Variants in SPAG16 observed in about 807,000 individuals in gnomAD.
SPAG16 encodes the protein sperm-associated antigen 16 protein.
A neutral mutation model predicts 80.4 loss-of-function variants in SPAG16; 86 were observed. That is an observed-to-expected ratio of 1.07 (90% CI 0.90 to 1.28). The LOEUF (loss-of-function observed/expected upper bound fraction) is 1.28. Among genes scored for constraint, SPAG16 ranks in the 50% most tolerant of loss-of-function variants. SPAG16 has a pLI of 0.00. For synonymous variants in SPAG16, 294 were observed against 265.9 expected, an observed-to-expected ratio of 1.11 and a Z score of -1.03; for missense variants, 870 against 765.3, an observed-to-expected ratio of 1.14 and a Z score of -1.61.
rs544609661 is a variant in SPAG16 at position 213,510,183 on chromosome 2, A to G, written c.1070+20093A>G. On this transcript the variant is annotated intron_variant, in intron 10 of 15. Transcript: ENST00000331683. The stretch of plus-strand genomic sequence containing the variant: ...GAAATCTGAAATCCTAGTTATTTTC[A>G]TATCACTTCAAACCCTTCCTGGAGA... 3.9e-5 allele frequency among the ~76,000 whole-genome samples: 6 copies of G among 152,242 alleles called. No homozygotes were observed. The South Asian group carries it at 1.0e-3, about 26-fold the overall frequency.
At chr2:213,369,809 A>G (rs1472414242) in intron 8 of SPAG16, among the ~76,000 whole-genome samples, 2 of 152,100 alleles carry the variant, frequency 1.3e-5, no homozygotes, top group Non-Finnish European at 2.9e-5. Context: ...GCCCCCACCC[A>G]TATACCACCT....
Position 214,022,881 on chromosome 2 carries a change from A to G in SPAG16, c.1527+8804A>G, listed in dbSNP as rs183067424. Among the ~76,000 whole-genome samples, 403 of 152,176 alleles carry G rather than the reference A, an allele frequency of 2.6e-3. 3 individuals carry two copies. The highest frequency in any genetic ancestry group is 9.2e-3 in the African/African-American group (381 of 41,558). On this transcript the variant is annotated intron_variant, in intron 13 of 15. Coordinates refer to ENST00000331683, the MANE Select transcript of SPAG16 (RefSeq NM_024532.5). ...TACTAAATATTTAAGAAATACATAA[A>G]TTATGCAATTTTGTTTCTCCAAGTT...
intron 10 of SPAG16, among the ~76,000 whole-genome samples, chr2:213,797,608 A>C (rs1388865989): frequency 6.6e-6 from 1 of 152,122 alleles, no homozygotes; most frequent in Non-Finnish European, 1.5e-5. Context: ...GTGTAAGTAC[A>C]CTCTATTGAT....
intron 10 of SPAG16, among the ~76,000 whole-genome samples, chr2:213,506,813 C>T (rs530228891): frequency 1.3e-5 from 2 of 152,240 alleles, no homozygotes; most frequent in South Asian, 4.1e-4. Context: ...GCTTGATTTG[C>T]TGCCTTAAAG....
chr2:213,454,627 C>T (rs899089542), intron 9 of SPAG16, among the ~76,000 whole-genome samples: 2 of 152,060 alleles, frequency 1.3e-5, no homozygotes, highest in Non-Finnish European at 2.9e-5. Flanking sequence ...ATTTGGTCAC[C>T]GGGAAGAAAA....
At position 213,432,564 on chromosome 2, in the gene SPAG16, C is replaced by A. The variant is rs145545252; in HGVS notation, c.943-57399C>A. 4.2e-3 allele frequency among the ~76,000 whole-genome samples: 634 copies of A among 152,090 alleles called. 6 individuals carry two copies. Among genetic ancestry groups the A allele is most frequent in the Non-Finnish European group, 7.2e-3 (487 of 67,918 alleles). On this transcript the variant is annotated intron_variant, in intron 9 of 15. Coordinates refer to ENST00000331683, the MANE Select transcript of SPAG16 (RefSeq NM_024532.5). ...GGAATAAATAAAAATCCTAAACAGA[C>A]CAATAATGAGTAATGAGATTGAATC...
At chr2:213,328,748 A>G (rs1464138118) in intron 5 of SPAG16, among the ~76,000 whole-genome samples, 1 of 152,082 alleles carries the variant, frequency 6.6e-6, no homozygotes, top group African/African-American at 2.4e-5. Flanking sequence ...TCATACTGCT[A>G]CCTCAGGAGT....
intron 11 of SPAG16, among the ~76,000 whole-genome samples, chr2:213,897,099 C>A (rs919082669): frequency 2.0e-5 from 3 of 152,056 alleles, no homozygotes; most frequent in Non-Finnish European, 4.4e-5. Flanking sequence ...AAAGACAAGA[C>A]AAATATTAGG....
At chr2:213,908,929 C>A (rs140777965) in intron 11 of SPAG16, among the ~76,000 whole-genome samples, 8 of 151,870 alleles carry the variant, frequency 5.3e-5, no homozygotes, top group Admixed American at 1.3e-4. Context: ...CCTCCTCCCC[C>A]CCACCACACA....
At chr2:214,002,471 C>A (rs974148300) in intron 12 of SPAG16, among the ~76,000 whole-genome samples, 1 of 151,998 alleles carries the variant, frequency 6.6e-6, no homozygotes, top group Admixed American at 6.6e-5. Context: ...TAAATAAATT[C>A]TAGATAAACA....
At chr2:214,168,482 A>G (rs1287555657) in intron 15 of SPAG16, among the ~76,000 whole-genome samples, 2 of 152,062 alleles carry the variant, frequency 1.3e-5, no homozygotes, top group Non-Finnish European at 2.9e-5. Context: ...TCTCTGTCTC[A>G]CACATGACAC....
chr2:213,944,830 T>C (rs1245823067), intron 12 of SPAG16, among the ~76,000 whole-genome samples: 1 of 152,120 alleles, frequency 6.6e-6, no homozygotes, highest in Non-Finnish European at 1.5e-5. Flanking sequence ...GAGTTGTGCC[T>C]TTATAAAAAG....
At chr2:214,032,650 A>G (rs1482669968) in intron 13 of SPAG16, among the ~76,000 whole-genome samples, 1 of 152,250 alleles carries the variant, frequency 6.6e-6, no homozygotes, top group East Asian at 1.9e-4. Flanking sequence ...GCTGAATTCT[A>G]GGGAAATCAC....
chr2:213,693,748 T>C (rs1019360732), intron 10 of SPAG16, among the ~76,000 whole-genome samples: 4 of 152,334 alleles, frequency 2.6e-5, no homozygotes, highest in Admixed American at 2.0e-4. Flanking sequence ...GTGGTAGAAC[T>C]CTTTAGTGTG....
At chr2:213,952,081 C>A (rs559155214) in intron 12 of SPAG16, among the ~76,000 whole-genome samples, 6 of 152,070 alleles carry the variant, frequency 3.9e-5, no homozygotes, top group African/African-American at 1.4e-4. Context: ...TAAAGGATTA[C>A]CAGTTGGAGG....
At chr2:213,736,325 A>T (rs1257409410) in intron 10 of SPAG16, among the ~76,000 whole-genome samples, 1 of 151,826 alleles carries the variant, frequency 6.6e-6, no homozygotes, top group Non-Finnish European at 1.5e-5. Context: ...ATGGAGTCTC[A>T]CTCTGTCACC....
chr2:213,942,902 G>A (rs1273083480), intron 12 of SPAG16, among the ~76,000 whole-genome samples: 1 of 152,168 alleles, frequency 6.6e-6, no homozygotes, highest in Non-Finnish European at 1.5e-5. Flanking sequence ...TGAAGGTGAG[G>A]CCTTTGGGAA....
At chr2:214,362,414 A>G (rs1699240284) in intron 15 of SPAG16, among the ~76,000 whole-genome samples, 1 of 151,964 alleles carries the variant, frequency 6.6e-6, no homozygotes, top group African/African-American at 2.4e-5. Flanking sequence ...TTTCTACCAC[A>G]GAGGGAAAAT....
chr2:213,396,748 A>G, intron 9 of SPAG16: 1 of 435,532 alleles, frequency 2.3e-6, no homozygotes, highest in South Asian at 1.7e-5. Context: ...ATTCTGAGCA[A>G]CAGGTGTTCC....
Sources: gnomAD v4.1 joint callset for allele counts (sites outside exome capture counted in the v4.1 genomes callset) on GRCh38, gnomAD v4.1.1 for gene constraint, MANE v1.5 for transcripts, NCBI Gene and HGNC (gene_info 2026-07-23, HGNC 2026-07-21) for gene names.